Variants in JHY observed in about 807,000 individuals in gnomAD.
JHY encodes jhy protein homolog.
Under a neutral mutation model 78.0 loss-of-function variants are expected in JHY, and 69 were observed. The observed-to-expected ratio is 0.88, with a 90% CI of 0.73 to 1.08. The LOEUF (loss-of-function observed/expected upper bound fraction) is 1.08. Among genes scored for constraint, JHY ranks in the 50% least tolerant of loss-of-function variants. The probability of loss-of-function intolerance (pLI) is 0.00; values close to 1 mark genes in which losing one functional copy is unlikely to be tolerated. For synonymous variants in JHY, 368 were observed against 342.6 expected (o/e 1.07, Z -0.82); for missense variants, 944 against 927.8 (o/e 1.02, Z -0.23).
intron 2 of JHY, among the ~76,000 whole-genome samples, chr11:122,900,793 G>T (rs1014515458): frequency 6.6e-6 from 1 of 152,100 alleles, no homozygotes; most frequent in African/African-American, 2.4e-5. Flanking sequence ...AAGCCTCGGG[G>T]ATCTTTCTGT....
At chr11:122,910,217 G>A (rs1192073156) in intron 3 of JHY, among the ~76,000 whole-genome samples, 1 of 152,178 alleles carries the variant, frequency 6.6e-6, no homozygotes, top group Non-Finnish European at 1.5e-5. Flanking sequence ...GCTCATGCCT[G>A]TAATCCCAGG....
intron 3 of JHY, among the ~76,000 whole-genome samples, chr11:122,908,877 T>C (rs1313920341): frequency 6.6e-6 from 1 of 152,142 alleles, no homozygotes. Context: ...TTTTGTATTT[T>C]TTGGTAGAGA....
chr11:122,900,567 T>G (rs1862832090), intron 2 of JHY, among the ~76,000 whole-genome samples: 1 of 137,034 alleles, frequency 7.3e-6, no homozygotes, highest in African/African-American at 2.8e-5. Context: ...CAAATTGAGA[T>G]TGTCATGGGG....
Position 122,946,800 on chromosome 11 carries a change from A to G in JHY, c.1929+8A>G. 1 of 1,596,958 alleles carries G rather than the reference A, an allele frequency of 6.3e-7. No individual in the cohort carries two copies. The highest frequency in any genetic ancestry group is 8.5e-7 in the Non-Finnish European group (1 of 1,174,524). ...AAAAGAAGCAGCAGTAAGGTAATAA[A>G]AGCGCCATTTTTACCAAGTAACTCT... On this transcript the variant is annotated splice_region_variant and intron_variant, in intron 6 of 8. Coordinates refer to ENST00000227349, the MANE Select transcript of JHY (RefSeq NM_024806.4).
Position 122,934,579 on chromosome 11 carries a change from A to G in JHY, c.1138A>G (p.Thr380Ala), listed in dbSNP as rs1863708690. Residue 380 changes from threonine to alanine, a missense_variant, in exon 5 of 9, where the codon ACA becomes GCA. Transcript: ENST00000227349. ...CKHQNGLKSSTTEEVTASQGN... is the reference protein window; with the variant it reads ...CKHQNGLKSSATEEVTASQGN... ...ACACCAGAATGGCCTGAAGTCTTCC[A>G]CAACGGAAGAGGTGACTGCCAGTCA... 3 of 1,614,170 alleles carry G rather than the reference A, an allele frequency of 1.9e-6. No homozygotes were observed. The highest frequency in any genetic ancestry group is 1.1e-5 in the South Asian group (1 of 91,078).
Position 122,883,656 on chromosome 11 carries a change from T to C in JHY, c.-90+684T>C, listed in dbSNP as rs1411956114. Among the ~76,000 whole-genome samples, 1 of 152,156 alleles carries C rather than the reference T, an allele frequency of 6.6e-6. No homozygotes were observed. The highest frequency in any genetic ancestry group is 2.1e-4 in the South Asian group (1 of 4,824). On this transcript the variant is annotated intron_variant, in intron 1 of 8. Transcript: ENST00000227349. This position sits in a 1 kb window ranked among gnomAD's most constrained non-coding sequence, Gnocchi z 4.4. ...ATTTAAACGCCCACTTTCTAACTTA[T>C]TCAAGCTGTCAGCTGTTCCTTCTTC...
At position 122,959,068 on chromosome 11, in the gene JHY, T is replaced by A. The variant is rs574393996; in HGVS notation, c.2140-180T>A. The A allele has an allele frequency of 1.0e-4, 100 of 956,788 alleles. No homozygotes were observed. The African/African-American group carries it at 1.6e-3, about 15-fold the overall frequency. The allele number at this position is 956,788 out of a possible 1,614,324, so 59.3% of individuals were successfully genotyped here. On this transcript the variant is annotated intron_variant, in intron 8 of 8. Coordinates refer to ENST00000227349, the MANE Select transcript of JHY (RefSeq NM_024806.4). ...TTTCCACAATATATTGTTTTGTGGC[T>A]AATGTATTTTGTTTAAACTGTGTGT...
At chr11:122,942,139 T>C (rs1344710769) in intron 5 of JHY, among the ~76,000 whole-genome samples, 1 of 152,196 alleles carries the variant, frequency 6.6e-6, no homozygotes, top group Non-Finnish European at 1.5e-5. Context: ...CCCAAAGTGC[T>C]GGGATTACAG....
intron 3 of JHY, among the ~76,000 whole-genome samples, chr11:122,918,615 A>G (rs1420614863): frequency 6.6e-6 from 1 of 151,474 alleles, no homozygotes; most frequent in East Asian, 1.9e-4. Context: ...TCTAGTTTCC[A>G]CCTTATTTTG....
In JHY at chr11:122,961,429, G is replaced by A. The variant is rs554478780; in HGVS notation, c.*1984G>A. 3.9e-5 allele frequency among the ~76,000 whole-genome samples: 6 copies of A among 152,034 alleles called. No homozygotes were observed. The highest frequency in any genetic ancestry group is 7.4e-5 in the Non-Finnish European group (5 of 68,006). On this transcript the variant is annotated 3_prime_UTR_variant, in exon 9 of 9. Coordinates refer to ENST00000227349, the MANE Select transcript of JHY (RefSeq NM_024806.4). ...GCAACTCCGCCTCCTGGATTCAAGCGATTCTCCTGTCTCAGCCTCCCTTCA... is the reference window on the plus strand; with the variant it reads ...GCAACTCCGCCTCCTGGATTCAAGCAATTCTCCTGTCTCAGCCTCCCTTCA...
rs1864348988 is a variant in JHY at position 122,963,209 on chromosome 11, G to A, written c.*3764G>A. ...AACTTCCCATACTGTTTTTCTGTTA[G>A]CTTAAGCGTTGTTAAATCCTTCACT... On this transcript the variant is annotated 3_prime_UTR_variant, in exon 9 of 9. Coordinates refer to ENST00000227349, the MANE Select transcript of JHY (RefSeq NM_024806.4). 6.6e-6 allele frequency among the ~76,000 whole-genome samples: 1 copy of A among 151,396 alleles called. No homozygotes were observed. Among genetic ancestry groups the A allele is most frequent in the African/African-American group, 2.4e-5 (1 of 41,206 alleles).
Position 122,961,196 on chromosome 11 carries a change from A to T in JHY, c.*1751A>T. 2.0e-6 allele frequency: 1 copy of T among 488,494 alleles called. No homozygotes were observed. The highest frequency in any genetic ancestry group is 2.3e-5 in the South Asian group (1 of 44,426). The allele number at this position is 488,494 out of a possible 1,614,324, so 30.3% of individuals were successfully genotyped here. A position where few individuals can be genotyped will look rare whatever the true frequency, so the allele number is the denominator to read the frequency against. Reference sequence around the variant, plus strand: ...TGCCCTCTACTGAAGTAGATAGTTTATATCTCCTAAAAATGAAACATTTGT... The same window carrying T: ...TGCCCTCTACTGAAGTAGATAGTTTTTATCTCCTAAAAATGAAACATTTGT... On this transcript the variant is annotated 3_prime_UTR_variant, in exon 9 of 9. Transcript: ENST00000227349.
chr11:122,926,007 A>C (rs1327518199), intron 4 of JHY, among the ~76,000 whole-genome samples: 1 of 147,834 alleles, frequency 6.8e-6, no homozygotes, highest in Admixed American at 6.8e-5. Context: ...ACAGAGCAAG[A>C]CTCCGTATCA....
intron 2 of JHY, among the ~76,000 whole-genome samples, chr11:122,894,849 TC>T (rs1243305837): frequency 3.7e-4 from 56 of 152,350 alleles, no homozygotes; most frequent in African/African-American, 1.2e-3. Context: ...TTTAGTGTGT[TC>T]CTATAGACAG....
intron 6 of JHY, among the ~76,000 whole-genome samples, chr11:122,955,926 C>T (rs1017361831): frequency 3.9e-5 from 6 of 152,142 alleles, no homozygotes. Context: ...CCAGGGAAGT[C>T]ATTTGGCCCA....
At chr11:122,922,809 C>CAAA (rs571482464) in intron 3 of JHY, among the ~76,000 whole-genome samples, 8 of 44,360 alleles carry the variant, frequency 1.8e-4, no homozygotes, top group East Asian at 6.8e-4. Context: ...GACTCCGTCT[C>CAAA]AAAAAAAAAA....
Position 122,960,983 on chromosome 11 carries a change from T to C in JHY, c.*1538T>C, listed in dbSNP as rs1864301549. On this transcript the variant is annotated 3_prime_UTR_variant, in exon 9 of 9. Coordinates refer to ENST00000227349, the MANE Select transcript of JHY (RefSeq NM_024806.4). ...GAAAGGAACAAGAGCACATGATAAA[T>C]TGGGTGCAGAGCATCTCTGCACAAC... 1.2e-6 allele frequency: 1 copy of C among 814,258 alleles called. No homozygotes were observed. Among genetic ancestry groups the C allele is most frequent in the Non-Finnish European group, 2.2e-6 (1 of 463,634 alleles). The allele number at this position is 814,258 out of a possible 1,614,324, so 50.4% of individuals were successfully genotyped here.
At position 122,956,591 on chromosome 11, in the gene JHY, C is replaced by T; in HGVS notation, c.2010+15C>T. Reference sequence around the variant, plus strand: ...TCAGAGACAAAGTGAGTGAGATGCACATACAGTGTTTCCAGACCTGACTCA... The same window carrying T: ...TCAGAGACAAAGTGAGTGAGATGCATATACAGTGTTTCCAGACCTGACTCA... On this transcript the variant is annotated intron_variant, in intron 7 of 8. Transcript: ENST00000227349. The T allele has an allele frequency of 1.2e-6, 2 of 1,610,318 alleles. No homozygotes were observed. The highest frequency in any genetic ancestry group is 1.7e-6 in the Non-Finnish European group (2 of 1,177,274).
At position 122,960,931 on chromosome 11, in the gene JHY, A is replaced by C; in HGVS notation, c.*1486A>C. 1.4e-6 allele frequency: 1 copy of C among 716,556 alleles called. No homozygotes were observed. Among genetic ancestry groups the C allele is most frequent in the Non-Finnish European group, 2.7e-6 (1 of 376,506 alleles). 44.4% of individuals were successfully genotyped at this position (716,556 alleles called of 1,614,324 possible). A position where few individuals can be genotyped will look rare whatever the true frequency, so the allele number is the denominator to read the frequency against. ...GAAGTAAAGAATCGCCTGGACTATC[A>C]TATATCTGTGCAGAACATGATGCGT... On this transcript the variant is annotated 3_prime_UTR_variant, in exon 9 of 9. Transcript: ENST00000227349.
Sources: gnomAD v4.1 joint callset for allele counts (sites outside exome capture counted in the v4.1 genomes callset) on GRCh38, gnomAD v4.1.1 for gene constraint, Gnocchi (gnomAD v3.1) non-coding constraint, MANE v1.5 for transcripts, NCBI Gene and HGNC (gene_info 2026-07-23, HGNC 2026-07-21) for gene names.